R3HDM1: variants seen among roughly 807,000 people sequenced by gnomAD.
R3HDM1 encodes the protein R3H domain-containing protein 1.
R3HDM1 carries 46 observed loss-of-function variants against 141.1 expected under a neutral mutation model. That is an observed-to-expected ratio of 0.33 (90% confidence interval 0.26 to 0.42). The LOEUF is 0.42. Ranked by LOEUF, R3HDM1 falls within the 10% of genes least tolerant of loss-of-function variation. The pLI, the probability that R3HDM1 is intolerant of heterozygous loss-of-function variation, is 1.00. For missense variants in R3HDM1, 1,184 were observed against 1,368.3 expected (o/e 0.87, Z 2.12); for synonymous variants, 435 against 472.9 (o/e 0.92, Z 1.04).
chr2:135,661,956 A>G (rs1248141715), intron 19 of R3HDM1, among the ~76,000 whole-genome samples: 1 of 152,246 alleles, frequency 6.6e-6, no homozygotes, highest in Non-Finnish European at 1.5e-5. Flanking sequence ...AATGAAATTT[A>G]TTAAAACTCA....
At chr2:135,652,110 T>C in intron 18 of R3HDM1, 78 bp downstream of exon 18, 11 of 1,474,006 alleles carry the variant, frequency 7.5e-6, no homozygotes, top group Non-Finnish European at 9.9e-6. Context: ...GAACTTATTT[T>C]TAAATTCTCA....
chr2:135,558,973 G>A, intron 1 of R3HDM1: 2 of 970,128 alleles, frequency 2.1e-6, no homozygotes, highest in Non-Finnish European at 2.4e-6. Flanking sequence ...CTACTTTTTA[G>A]CCTGTCTTAA....
intron 19 of R3HDM1, among the ~76,000 whole-genome samples, chr2:135,663,558 A>T (rs1349491102): frequency 6.6e-6 from 1 of 152,190 alleles, no homozygotes; most frequent in East Asian, 1.9e-4. Context: ...TTGTTATGCT[A>T]ATAAGTATCA....
intron 23 of R3HDM1, among the ~76,000 whole-genome samples, chr2:135,711,730 G>C (rs1367261042): frequency 2.0e-5 from 3 of 151,406 alleles, no homozygotes; most frequent in Non-Finnish European, 2.9e-5. Context: ...AGGCCAAAGC[G>C]GGCAGATCAC....
At chr2:135,620,804 A>G in intron 5 of R3HDM1, 2 of 235,630 alleles carry the variant, frequency 8.5e-6, no homozygotes, top group Non-Finnish European at 1.4e-5. Flanking sequence ...ATTACATGTA[A>G]TGGCATTGTT....
intron 1 of R3HDM1, among the ~76,000 whole-genome samples, chr2:135,601,498 T>A (rs1264580886): frequency 1.3e-5 from 2 of 152,214 alleles, no homozygotes; most frequent in Non-Finnish European, 2.9e-5. Context: ...TGCTTAGCTA[T>A]TTCACCTTAA....
intron 7 of R3HDM1, among the ~76,000 whole-genome samples, chr2:135,628,050 G>A (rs762055914): frequency 6.6e-6 from 1 of 152,156 alleles, no homozygotes. Flanking sequence ...AAGGTTACAC[G>A]ATAGAAGTTT....
At chr2:135,538,802 C>T (rs1363866796) in intron 1 of R3HDM1, among the ~76,000 whole-genome samples, 4 of 152,044 alleles carry the variant, frequency 2.6e-5, no homozygotes, top group African/African-American at 7.2e-5. Context: ...TTGGTAGAGA[C>T]GGGGTTTCAC....
At chr2:135,667,814 A>T in intron 19 of R3HDM1, 1 of 913,170 alleles carries the variant, frequency 1.1e-6, no homozygotes, top group Non-Finnish European at 1.3e-6. Flanking sequence ...TACTTTTGAC[A>T]CTATGAGAAC....
At chr2:135,616,043 T>G (rs1302134054) in intron 3 of R3HDM1, 109 bp from the exon 4 acceptor site, 8 of 1,053,444 alleles carry the variant, frequency 7.6e-6, no homozygotes, top group Non-Finnish European at 1.1e-5. Context: ...TTTCCTCACT[T>G]TTCATACTTT....
intron 1 of R3HDM1, among the ~76,000 whole-genome samples, chr2:135,537,448 G>A (rs550367752): frequency 2.3e-4 from 34 of 150,684 alleles, no homozygotes; most frequent in African/African-American, 8.2e-4. Context: ...CATCATGCCA[G>A]CTAATTTTTG....
intron 21 of R3HDM1, among the ~76,000 whole-genome samples, chr2:135,692,071 C>A (rs1190771029): frequency 6.6e-6 from 1 of 152,058 alleles, no homozygotes; most frequent in Non-Finnish European, 1.5e-5. Flanking sequence ...CGCCACCACA[C>A]CTGGCTAATT....
At chr2:135,706,259 C>G (rs2074896775) in intron 21 of R3HDM1, among the ~76,000 whole-genome samples, 1 of 151,858 alleles carries the variant, frequency 6.6e-6, no homozygotes, top group Non-Finnish European at 1.5e-5. Flanking sequence ...GAAGAGGCAG[C>G]TCCTAAACAG....
In R3HDM1 at chr2:135,559,140, C is replaced by G. The variant is rs184600932; in HGVS notation, c.-250+27507C>G. ...TTGTTGTTGTTGTCGGAGACAGGGC[C>G]TCGCTTGGTCTCCCAGGCTAGAGTG... is the stretch of plus-strand genomic sequence containing the variant. On this transcript the variant is annotated intron_variant, in intron 1 of 26. Coordinates refer to ENST00000683871, the MANE Select transcript of R3HDM1 (RefSeq NM_001378107.1). The G allele has an allele frequency of 4.0e-6, 3 of 754,046 alleles. No individual in the cohort carries two copies. In the East Asian group the frequency reaches 4.0e-4, roughly 100 times the overall value. The allele number at this position is 754,046 out of a possible 1,614,324, so 46.7% of individuals were successfully genotyped here.
At chr2:135,639,580 G>A (rs1465638522) in intron 14 of R3HDM1, among the ~76,000 whole-genome samples, 2 of 152,074 alleles carry the variant, frequency 1.3e-5, no homozygotes, top group East Asian at 3.9e-4. Flanking sequence ...AAATTGCTGA[G>A]GAGATTTTGA....
intron 21 of R3HDM1, among the ~76,000 whole-genome samples, chr2:135,686,462 G>A (rs888276121): frequency 2.6e-5 from 4 of 152,204 alleles, no homozygotes; most frequent in Non-Finnish European, 4.4e-5. Context: ...AAGAAAATGT[G>A]GTATGGCTCA....
In R3HDM1 at chr2:135,641,412, A is replaced by G. The variant is rs2063781416; in HGVS notation, c.1220-124A>G. The G allele has an allele frequency of 4.4e-6, 5 of 1,144,876 alleles. No individual in the cohort carries two copies. The Admixed American group carries it at 1.4e-4, about 32-fold the overall frequency. 70.9% of individuals were successfully genotyped at this position (1,144,876 alleles called of 1,614,324 possible). A position where few individuals can be genotyped will look rare whatever the true frequency, so the allele number is the denominator to read the frequency against. On this transcript the variant is annotated intron_variant, in intron 14 of 26. Transcript: ENST00000683871. ...TAAGCAAACGTGGACAGTAAATTAA[A>G]AAGAGCCAATGCTTTTATGTAGTAA...
At chr2:135,681,032 G>A (rs1376864711) in intron 21 of R3HDM1, among the ~76,000 whole-genome samples, 1 of 152,120 alleles carries the variant, frequency 6.6e-6, no homozygotes, top group African/African-American at 2.4e-5. Flanking sequence ...TTTTTCATCA[G>A]TAAGGGAGGG....
At chr2:135,620,390 C>G in intron 5 of R3HDM1, 1 of 833,484 alleles carries the variant, frequency 1.2e-6, no homozygotes, top group South Asian at 5.5e-5. Flanking sequence ...AAATTACTTA[C>G]TGGTTGATGA....
Sources: gnomAD v4.1 joint callset for allele counts (sites outside exome capture counted in the v4.1 genomes callset) on GRCh38, gnomAD v4.1.1 for gene constraint, MANE v1.5 for transcripts, NCBI Gene and HGNC (gene_info 2026-07-23, HGNC 2026-07-21) for gene names.